The following STAG1 variants were observed in gnomAD, a reference collection of about 807,000 sequenced individuals.
STAG1 encodes cohesin subunit SA-1.
A neutral mutation model predicts 170.9 loss-of-function variants in STAG1; 26 were observed. That is an observed-to-expected ratio of 0.15 (90% confidence interval 0.11 to 0.21). The LOEUF (loss-of-function observed/expected upper bound fraction) is 0.21, where lower values mean the gene tolerates loss of function less well. STAG1 is among the 10% of genes least tolerant of loss of function. The pLI, the probability that STAG1 is intolerant of heterozygous loss-of-function variation, is 1.00. For synonymous variants in STAG1, 514 were observed against 497.7 expected (o/e 1.03, Z -0.44); for missense variants, 964 against 1,509.5 (o/e 0.64, Z 5.99).
chr3:136,547,939 T>C (rs912610453), intron 5 of STAG1, among the ~76,000 whole-genome samples: 2 of 152,204 alleles, frequency 1.3e-5, no homozygotes, highest in Non-Finnish European at 2.9e-5. Context: ...CTTTTGCATG[T>C]AGATATCCAG....
intron 3 of STAG1, among the ~76,000 whole-genome samples, chr3:136,606,750 C>CT (rs529115947): frequency 0.14 from 18,206 of 126,678 alleles, 1,511 homozygotes; most frequent in Non-Finnish European, 0.21. Context: ...AGGTAACATG[C>CT]TTTTTTTTTT....
chr3:136,736,917 T>A, intron 1 of STAG1: 15 of 1,586,684 alleles, frequency 9.5e-6, no homozygotes, highest in Non-Finnish European at 1.3e-5. Context: ...GCTCCTGATC[T>A]AGTAGCAACT....
chr3:136,579,167 C>A (rs187662323), intron 4 of STAG1, among the ~76,000 whole-genome samples: 69 of 152,248 alleles, frequency 4.5e-4, no homozygotes, highest in African/African-American at 1.5e-3. Context: ...AGTGGCAGCC[C>A]CTGGAACTTG....
intron 3 of STAG1, among the ~76,000 whole-genome samples, chr3:136,618,256 A>G (rs566713687): frequency 8.7e-4 from 132 of 152,280 alleles, no homozygotes; most frequent in African/African-American, 3.1e-3. Flanking sequence ...TAAATTAGCC[A>G]ATCGGAATTA....
At chr3:136,486,882 T>C (rs994515680) in intron 9 of STAG1, among the ~76,000 whole-genome samples, 4 of 151,720 alleles carry the variant, frequency 2.6e-5, no homozygotes, top group African/African-American at 7.3e-5. Flanking sequence ...TACACCCATA[T>C]CTACATCTAT....
chr3:136,370,116 T>C (rs1189396502), intron 23 of STAG1, among the ~76,000 whole-genome samples: 1 of 152,116 alleles, frequency 6.6e-6, no homozygotes, highest in African/African-American at 2.4e-5. Flanking sequence ...TTCTATACTT[T>C]TAATCATGAT....
At chr3:136,454,154 G>A (rs577883015) in intron 13 of STAG1, among the ~76,000 whole-genome samples, 3 of 152,096 alleles carry the variant, frequency 2.0e-5, no homozygotes, top group South Asian at 2.1e-4. Flanking sequence ...GAGTGCAGCG[G>A]CACAATCTCC....
chr3:136,520,277 A>G (rs553195804), intron 7 of STAG1, among the ~76,000 whole-genome samples: 96 of 152,266 alleles, frequency 6.3e-4, no homozygotes, highest in African/African-American at 2.2e-3. Context: ...GGTGTGTGCT[A>G]AAGTCTGAGG....
intron 16 of STAG1, among the ~76,000 whole-genome samples, chr3:136,433,197 T>G (rs1218602835): frequency 3.3e-5 from 5 of 152,022 alleles, no homozygotes; most frequent in Admixed American, 3.3e-4. Context: ...CATACAAAAA[T>G]CATTCATCTA....
chr3:136,512,096 T>TAAAAAAAAAAAAAA (rs35238532), intron 7 of STAG1, among the ~76,000 whole-genome samples: 1 of 68,312 alleles, frequency 1.5e-5, no homozygotes, highest in Non-Finnish European at 2.6e-5. Context: ...CTCTACAAAA[T>TAAAAAAAAAAAAAA]AAAAAAAAAA....
At chr3:136,441,796 T>C (rs944826228) in intron 15 of STAG1, among the ~76,000 whole-genome samples, 1 of 152,212 alleles carries the variant, frequency 6.6e-6, no homozygotes, top group Admixed American at 6.5e-5. Flanking sequence ...CACAGCTATA[T>C]AAGGTACACA....
At chr3:136,701,171 T>C (rs997228854) in intron 1 of STAG1, among the ~76,000 whole-genome samples, 2 of 152,160 alleles carry the variant, frequency 1.3e-5, no homozygotes, top group Non-Finnish European at 2.9e-5. Flanking sequence ...AGTGAGCCAC[T>C]GCACCCAGCC....
intron 1 of STAG1, among the ~76,000 whole-genome samples, chr3:136,706,799 C>G (rs1943239379): frequency 6.6e-6 from 1 of 152,084 alleles, no homozygotes; most frequent in Non-Finnish European, 1.5e-5. Flanking sequence ...CTAAAACTTT[C>G]CAATTTCAAA....
chr3:136,649,733 T>C (rs570675191), intron 1 of STAG1, among the ~76,000 whole-genome samples: 15 of 151,040 alleles, frequency 9.9e-5, no homozygotes, highest in African/African-American at 2.4e-4. Flanking sequence ...TTGGACAACA[T>C]AGTGAGACCT....
chr3:136,341,603 T>G, intron 30 of STAG1, 52 bp from the exon 31 acceptor site: 1 of 1,240,760 alleles, frequency 8.1e-7, no homozygotes, highest in Middle Eastern at 1.9e-4. Flanking sequence ...TGAATTTAGC[T>G]AATGAGCCCC....
chr3:136,528,446 G>C (rs954769139), intron 6 of STAG1, among the ~76,000 whole-genome samples: 7 of 149,864 alleles, frequency 4.7e-5, no homozygotes, highest in African/African-American at 1.7e-4. Flanking sequence ...AAAGAAACTT[G>C]ACATCTCCAA....
intron 6 of STAG1, among the ~76,000 whole-genome samples, chr3:136,535,617 C>T (rs1454804964): frequency 1.3e-5 from 2 of 152,162 alleles, no homozygotes; most frequent in African/African-American, 2.4e-5. Flanking sequence ...GAGCTGAGAT[C>T]GTGCCACTGC....
At chr3:136,542,998 A>G (rs973268565) in intron 5 of STAG1, among the ~76,000 whole-genome samples, 10 of 152,174 alleles carry the variant, frequency 6.6e-5, no homozygotes, top group East Asian at 1.9e-4. Context: ...TATCAAAACT[A>G]TAGATGGAGC....
intron 16 of STAG1, among the ~76,000 whole-genome samples, chr3:136,423,750 G>A (rs9831321): frequency 0.37 from 56,361 of 151,964 alleles, 11,525 homozygotes; most frequent in African/African-American, 0.54. Flanking sequence ...ATGGTTTTAC[G>A]GAACAGAAAC....
Sources: gnomAD v4.1 joint callset for allele counts (sites outside exome capture counted in the v4.1 genomes callset) on GRCh38, gnomAD v4.1.1 for gene constraint, MANE v1.5 for transcripts, NCBI Gene and HGNC (gene_info 2026-07-23, HGNC 2026-07-21) for gene names.